AGBL4: variants seen among roughly 807,000 people sequenced by gnomAD.
The protein encoded by AGBL4 is AGBL carboxypeptidase 4.
A neutral mutation model predicts 66.4 loss-of-function variants in AGBL4; 58 were observed. The observed-to-expected ratio is 0.87, with a 90% CI of 0.71 to 1.09. AGBL4 has a LOEUF of 1.09. Among genes scored for constraint, AGBL4 ranks in the 50% least tolerant of loss-of-function variants. The pLI is 0.00. For missense variants in AGBL4, 579 were observed against 631.0 expected (o/e 0.92, Z 0.88); for synonymous variants, 234 against 222.9 (o/e 1.05, Z -0.44).
At chr1:49,767,478 T>C (rs375623642) in intron 2 of AGBL4, among the ~76,000 whole-genome samples, 31 of 152,178 alleles carry the variant, frequency 2.0e-4, no homozygotes, top group African/African-American at 7.2e-4. Flanking sequence ...GGAATATTTA[T>C]AGCAATAAAC....
At chr1:49,500,329 C>A (rs938548512) in intron 3 of AGBL4, among the ~76,000 whole-genome samples, 1 of 150,162 alleles carries the variant, frequency 6.7e-6, no homozygotes, top group African/African-American at 2.4e-5. Context: ...TGTGGGTTGT[C>A]TTTACTCTGC....
intron 3 of AGBL4, among the ~76,000 whole-genome samples, chr1:49,479,326 C>T (rs765517992): frequency 1.8e-4 from 27 of 151,484 alleles, no homozygotes; most frequent in Non-Finnish European, 3.5e-4. Flanking sequence ...TTCAGGGGTA[C>T]ATGTGCAGTA....
chr1:49,921,410 T>C (rs1183268885), intron 1 of AGBL4, among the ~76,000 whole-genome samples: 1 of 152,142 alleles, frequency 6.6e-6, no homozygotes. Context: ...TAACCATCAA[T>C]GCAAATATAT....
intron 3 of AGBL4, among the ~76,000 whole-genome samples, chr1:49,294,588 C>A (rs1036404315): frequency 1.3e-5 from 2 of 152,184 alleles, no homozygotes; most frequent in African/African-American, 2.4e-5. Context: ...TTTCCCACAT[C>A]TAAAAATGGT....
intron 5 of AGBL4, among the ~76,000 whole-genome samples, chr1:48,871,900 G>A (rs954495704): frequency 6.6e-6 from 1 of 152,082 alleles, no homozygotes; most frequent in Non-Finnish European, 1.5e-5. Context: ...AAAGGTAGAA[G>A]TCCTAAAAGC....
intron 3 of AGBL4, among the ~76,000 whole-genome samples, chr1:49,577,291 G>A (rs961992283): frequency 6.6e-5 from 10 of 152,248 alleles, no homozygotes; most frequent in Non-Finnish European, 1.0e-4. Flanking sequence ...CCATGTCATC[G>A]CCCAATGGGC....
chr1:49,503,913 T>G (rs1322006295), intron 3 of AGBL4, among the ~76,000 whole-genome samples: 1 of 152,098 alleles, frequency 6.6e-6, no homozygotes, highest in Non-Finnish European at 1.5e-5. Context: ...GCATGAAGAC[T>G]TTGGTAGACT....
Position 49,876,229 on chromosome 1 carries a change from G to C in AGBL4, c.35-24711C>G, listed in dbSNP as rs200434872. On this transcript the variant is annotated intron_variant, in intron 1 of 13. Coordinates refer to ENST00000371839, the MANE Select transcript of AGBL4 (RefSeq NM_032785.4). ...TTGGTGTTTTGGACATGAAGTCCTT[G>C]CCCACGCCTATGTCCTGAATGGTAA... is the stretch of plus-strand genomic sequence containing the variant. Among the ~76,000 whole-genome samples the C allele has an allele frequency of 5.5e-3, 648 of 117,700 alleles. 25 individuals are homozygous for C. The highest frequency in any genetic ancestry group is 0.047 in the Admixed American group (496 of 10,496). 77.2% of individuals were successfully genotyped at this position (117,700 alleles called of 152,430 possible).
chr1:48,875,839 C>G (rs1476878385), intron 5 of AGBL4, among the ~76,000 whole-genome samples: 2 of 152,186 alleles, frequency 1.3e-5, no homozygotes, highest in Admixed American at 1.3e-4. Flanking sequence ...AATGAAGAAA[C>G]TTGCTCAAGG....
At chr1:49,244,056 A>G (rs770855598) in intron 4 of AGBL4, among the ~76,000 whole-genome samples, 6 of 151,844 alleles carry the variant, frequency 4.0e-5, no homozygotes, top group Admixed American at 6.6e-5. Context: ...AGAAGACACA[A>G]CATAGTTCAT....
chr1:49,441,037 C>T (rs1225284332), intron 3 of AGBL4, among the ~76,000 whole-genome samples: 2 of 152,112 alleles, frequency 1.3e-5, no homozygotes, highest in Non-Finnish European at 2.9e-5. Context: ...GATGGCCTCC[C>T]CTGAGGCAGT....
At chr1:49,129,808 T>C (rs1645850618) in intron 4 of AGBL4, among the ~76,000 whole-genome samples, 1 of 152,168 alleles carries the variant, frequency 6.6e-6, no homozygotes, top group East Asian at 1.9e-4. Flanking sequence ...GCATGATTTA[T>C]AGTCCTTTGG....
At chr1:50,007,589 T>G (rs1048039026) in intron 1 of AGBL4, among the ~76,000 whole-genome samples, 3 of 151,966 alleles carry the variant, frequency 2.0e-5, no homozygotes, top group Admixed American at 2.0e-4. Context: ...AAAGTGAGAT[T>G]CTGTCCCTAC....
At position 48,742,681 on chromosome 1, in the gene AGBL4, G is replaced by A. The variant is rs1244423678; in HGVS notation, c.635-79440C>T. The A allele has an allele frequency of 1.9e-6, 3 of 1,611,194 alleles. No individual in the cohort carries two copies. The highest frequency in any genetic ancestry group is 1.1e-5 in the South Asian group (1 of 90,428). On this transcript the variant is annotated intron_variant, in intron 6 of 13. Coordinates refer to ENST00000371839, the MANE Select transcript of AGBL4 (RefSeq NM_032785.4). ...AGGCGCAGGAGCGGGGTAATAGGAC[G>A]ACGTATTTGCTTCCTCACTGAAAGT... is the stretch of plus-strand genomic sequence containing the variant.
intron 3 of AGBL4, among the ~76,000 whole-genome samples, chr1:49,448,349 C>T (rs897682525): frequency 3.3e-5 from 5 of 152,092 alleles, no homozygotes; most frequent in South Asian, 2.1e-4. Context: ...TCCTTCTCCC[C>T]GTCTCCTTCA....
chr1:49,217,548 G>A (rs1389505389), intron 4 of AGBL4, among the ~76,000 whole-genome samples: 1 of 152,010 alleles, frequency 6.6e-6, no homozygotes, highest in Non-Finnish European at 1.5e-5. Context: ...TTATAGCACT[G>A]AGCACATTAT....
chr1:49,770,897 C>T (rs1644038180), intron 2 of AGBL4, among the ~76,000 whole-genome samples: 6 of 151,858 alleles, frequency 4.0e-5, no homozygotes, highest in Admixed American at 3.9e-4. Context: ...TTGGGTCTTT[C>T]CTCTTTTTCT....
At chr1:49,482,431 G>T (rs1028460092) in intron 3 of AGBL4, among the ~76,000 whole-genome samples, 4 of 151,720 alleles carry the variant, frequency 2.6e-5, no homozygotes, top group African/African-American at 9.7e-5. Flanking sequence ...TGTCCATAGG[G>T]GTTTATAATA....
intron 5 of AGBL4, among the ~76,000 whole-genome samples, chr1:48,924,098 A>G (rs1654321725): frequency 6.6e-6 from 1 of 152,136 alleles, no homozygotes; most frequent in South Asian, 2.1e-4. Flanking sequence ...AACTTCTTGT[A>G]AAAACTATAG....
Sources: allele counts gnomAD v4.1 joint callset (sites outside exome capture counted in the v4.1 genomes callset), GRCh38; gene constraint gnomAD v4.1.1; transcripts MANE v1.5; gene names NCBI Gene and HGNC (gene_info 2026-07-23, HGNC 2026-07-21).